Variants in KIF20B observed in about 807,000 individuals in gnomAD.
KIF20B encodes the protein kinesin-like protein KIF20B.
In KIF20B, 188 loss-of-function variants were observed where a neutral mutation model predicts 232.5. That is an observed-to-expected ratio of 0.81 (90% CI 0.72 to 0.91). The LOEUF (loss-of-function observed/expected upper bound fraction) is 0.91. Among genes scored for constraint, KIF20B ranks in the 40% least tolerant of loss-of-function variants. KIF20B has a pLI of 0.00. For missense variants in KIF20B, 2,154 were observed against 2,055.9 expected (o/e 1.05, Z -0.92); for synonymous variants, 712 against 683.0 (o/e 1.04, Z -0.66).
intron 18 of KIF20B, among the ~76,000 whole-genome samples, chr10:89,731,695 G>A (rs991375545): frequency 3.3e-5 from 5 of 152,132 alleles, no homozygotes; most frequent in Non-Finnish European, 7.4e-5. Context: ...ATTCTGATAG[G>A]TACCAAGGAT....
intron 21 of KIF20B, among the ~76,000 whole-genome samples, chr10:89,740,303 A>T (rs1292948160): frequency 6.8e-6 from 1 of 146,810 alleles, no homozygotes; most frequent in South Asian, 2.1e-4. Flanking sequence ...CTGGTTTATT[A>T]TAAAGGATAC....
At chr10:89,747,767 G>A (rs1368121568) in intron 23 of KIF20B, among the ~76,000 whole-genome samples, 1 of 151,940 alleles carries the variant, frequency 6.6e-6, no homozygotes, top group Non-Finnish European at 1.5e-5. Context: ...GGATAGCATT[G>A]GGAGATATAC....
rs189221609 is a variant in KIF20B at position 89,772,010 on chromosome 10, T to C, written c.5243-679T>C. On this transcript the variant is annotated intron_variant, in intron 31 of 32. Coordinates refer to ENST00000371728, the MANE Select transcript of KIF20B (RefSeq NM_001284259.2). ...GCCCAGCTCAGCCCTTAACAAGTAGTCTTCTCAATTTAGTCTAATGCCTTA... is the reference window on the plus strand; with the variant it reads ...GCCCAGCTCAGCCCTTAACAAGTAGCCTTCTCAATTTAGTCTAATGCCTTA... Among the ~76,000 whole-genome samples the C allele has an allele frequency of 1.7e-4, 26 of 151,934 alleles. No individual in the cohort carries two copies. In the East Asian group the frequency reaches 4.5e-3, roughly 26 times the overall value.
At chr10:89,715,705 T>C (rs900589642) in intron 8 of KIF20B, among the ~76,000 whole-genome samples, 2 of 152,170 alleles carry the variant, frequency 1.3e-5, no homozygotes, top group African/African-American at 4.8e-5. Flanking sequence ...TTCTACAAAA[T>C]GCTGGCCAGA....
intron 9 of KIF20B, 52 bp downstream of exon 9, chr10:89,716,599 GTTAAT>G (rs777019457): frequency 3.4e-6 from 3 of 886,742 alleles, no homozygotes; most frequent in Non-Finnish European, 3.6e-6. Flanking sequence ...AGTATTCTGT[GTTAAT>G]TTAAACACAG....
chr10:89,708,018 A>T (rs1030515099), intron 2 of KIF20B, among the ~76,000 whole-genome samples: 1 of 152,094 alleles, frequency 6.6e-6, no homozygotes, highest in African/African-American at 2.4e-5. Context: ...TCTTGGTCAG[A>T]TGTATTATCC....
rs903288308 is a variant in KIF20B at position 89,710,036 on chromosome 10, C to G, written c.461C>G (p.Thr154Ser). The change falls in exon 5 of 33, where the codon ACC becomes AGC. Residue 154 changes from threonine to serine, a missense_variant. Transcript: ENST00000371728. Reference sequence around the variant, plus strand: ...CGTCTGATTTTTACTTACGGGCTAACCAATTCAGGAAAAACATATACATTT... The same window carrying G: ...CGTCTGATTTTTACTTACGGGCTAAGCAATTCAGGAAAAACATATACATTT... ...QSRLIFTYGLTNSGKTYTFQG... is the reference protein window; with the variant it reads ...QSRLIFTYGLSNSGKTYTFQG... 22 of 1,603,408 alleles carry G rather than the reference C, an allele frequency of 1.4e-5. No homozygotes were observed. In the East Asian group the frequency reaches 5.0e-4, roughly 36 times the overall value.
At position 89,725,002 on chromosome 10, in the gene KIF20B, T is replaced by G. The variant is rs1415029487; in HGVS notation, c.1863-18T>G. On this transcript the variant is annotated intron_variant, in intron 14 of 32. Coordinates refer to ENST00000371728, the MANE Select transcript of KIF20B (RefSeq NM_001284259.2). The stretch of plus-strand genomic sequence containing the variant: ...GTTCGTTTTCTGTTTCTTAATGGGA[T>G]TAATTTGTATTTTGAAGGGAGACTC... The G allele has an allele frequency of 2.5e-6, 4 of 1,608,708 alleles. No individual in the cohort carries two copies. The highest frequency in any genetic ancestry group is 3.4e-6 in the Non-Finnish European group (4 of 1,176,952).
chr10:89,720,700 T>G (rs1307230941), intron 13 of KIF20B, among the ~76,000 whole-genome samples: 1 of 151,994 alleles, frequency 6.6e-6, no homozygotes, highest in Non-Finnish European at 1.5e-5. Context: ...ATTATAGTAT[T>G]TATTTATTTA....
rs1842756016 is a variant in KIF20B, at chr10:89,707,789, C to T, written c.148-1378C>T. 2.0e-5 allele frequency among the ~76,000 whole-genome samples: 3 copies of T among 152,038 alleles called. No homozygotes were observed. In the South Asian group the frequency reaches 6.2e-4, roughly 31 times the overall value. ...TCTTTCCTGTTAAGTTTGTTGTTAG[C>T]GATAGATTTTTTGTAAGTGCCCTTT... On this transcript the variant is annotated intron_variant, in intron 2 of 32. Transcript: ENST00000371728.
chr10:89,772,229 T>C (rs1165551950), intron 31 of KIF20B, among the ~76,000 whole-genome samples: 1 of 151,972 alleles, frequency 6.6e-6, no homozygotes, highest in Non-Finnish European at 1.5e-5. Context: ...TTCTCTCCAT[T>C]TGTGTGTGGA....
rs181444253 is a variant in KIF20B at position 89,768,968 on chromosome 10, A to G, written c.5242+80A>G. 6.5e-5 allele frequency: 75 copies of G among 1,156,166 alleles called. No homozygotes were observed. The Middle Eastern group carries it at 2.2e-3, about 34-fold the overall frequency. 71.6% of individuals were successfully genotyped at this position (1,156,166 alleles called of 1,614,324 possible). A position where few individuals can be genotyped will look rare whatever the true frequency, so the allele number is the denominator to read the frequency against. On this transcript the variant is annotated intron_variant, in intron 31 of 32. Transcript: ENST00000371728. ...AATACCTAATTGATATATAAACTCA[A>G]CAGCTGTTCAGGGAATATTATACTT...
chr10:89,738,049 G>A lies in KIF20B; in HGVS notation c.3208G>A (p.Ala1070Thr), dbSNP rs138228331. The A allele has an allele frequency of 1.2e-6, 2 of 1,613,110 alleles. No homozygotes were observed. Among genetic ancestry groups the A allele is most frequent in the East Asian group, 4.5e-5 (2 of 44,814 alleles). Reference protein sequence around the residue: ...IWEECKEIVKASSKKSHQIEE... With the variant: ...IWEECKEIVKTSSKKSHQIEE... ...GGAAGAATGTAAAGAGATTGTGAAGGCCTCTTCCAAAAAAAGTCATCAGAT... is the reference window on the plus strand; with the variant it reads ...GGAAGAATGTAAAGAGATTGTGAAGACCTCTTCCAAAAAAAGTCATCAGAT... Residue 1070 changes from alanine to threonine, a missense_variant, in exon 20 of 33, where the codon GCC becomes ACC. By Grantham distance (58) the Ala-to-Thr change is moderately conservative (BLOSUM62 0). Transcript: ENST00000371728.
Position 89,709,945 on chromosome 10 carries a change from A to G in KIF20B, c.370A>G (p.Thr124Ala). The stretch of plus-strand genomic sequence containing the variant: ...TGCTTAGGTTTTTGGCCCAGCAACT[A>G]CACAGAAGGAATTCTTTCAGGGTTG... ...SFSKVFGPAT[T>A]QKEFFQGCIM... The change falls in exon 5 of 33, where the codon ACA (threonine) becomes GCA (alanine). Residue 124 changes from threonine to alanine, a missense_variant. By Grantham distance (58) the Thr-to-Ala change is moderately conservative. Coordinates refer to ENST00000371728, the MANE Select transcript of KIF20B (RefSeq NM_001284259.2). 6.3e-7 allele frequency: 1 copy of G among 1,591,328 alleles called. No homozygotes were observed. The highest frequency in any genetic ancestry group is 8.5e-7 in the Non-Finnish European group (1 of 1,172,952).
intron 29 of KIF20B, among the ~76,000 whole-genome samples, chr10:89,763,613 C>T (rs970349733): frequency 6.6e-6 from 1 of 152,006 alleles, no homozygotes; most frequent in Non-Finnish European, 1.5e-5. Flanking sequence ...ATTTGGGCCT[C>T]TATGTAGTGG....
At chr10:89,749,956 T>C (rs771357050) in intron 23 of KIF20B, among the ~76,000 whole-genome samples, 5 of 152,198 alleles carry the variant, frequency 3.3e-5, no homozygotes, top group African/African-American at 4.8e-5. Context: ...TGATTGCTCA[T>C]AACTATCCTT....
At chr10:89,773,608 T>C (rs1168509703) in intron 32 of KIF20B, among the ~76,000 whole-genome samples, 1 of 152,018 alleles carries the variant, frequency 6.6e-6, no homozygotes, top group East Asian at 1.9e-4. Context: ...TTAGTTACTA[T>C]ATAATGTGCT....
At chr10:89,761,957 A>G (rs1222402630) in intron 28 of KIF20B, among the ~76,000 whole-genome samples, 1 of 152,106 alleles carries the variant, frequency 6.6e-6, no homozygotes, top group East Asian at 1.9e-4. Flanking sequence ...TAATCGATAT[A>G]CTTAACTGGG....
rs748246289 is a variant in KIF20B, at chr10:89,737,393, T to C, written c.2552T>C (p.Ile851Thr). 5.9e-5 allele frequency: 93 copies of C among 1,569,094 alleles called. No homozygotes were observed. Among genetic ancestry groups the C allele is most frequent in the Non-Finnish European group, 7.5e-5 (87 of 1,165,286 alleles). Residue 851 changes from isoleucine to threonine, a missense_variant, in exon 20 of 33, where the codon ATC becomes ACC. Physicochemically the swap from Ile to Thr is moderately conservative, Grantham distance 89 (BLOSUM62 -1). Transcript: ENST00000371728. ...QDEPPAKKGS[I>T]HVSSAITEDQ... is the part of the protein sequence containing the mutation. ...AATTTTCTTATTTTTAAAGGGTCTA[T>C]CCATGTTAGTTCAGCTATCACTGAA...
Sources: gnomAD v4.1 joint callset for allele counts (sites outside exome capture counted in the v4.1 genomes callset) on GRCh38, gnomAD v4.1.1 for gene constraint, MANE v1.5 for transcripts, NCBI Gene and HGNC (gene_info 2026-07-23, HGNC 2026-07-21) for gene names.